The following CNBD1 variants were observed in gnomAD, a reference collection of about 807,000 sequenced individuals.
The protein encoded by CNBD1 is cyclic nucleotide-binding domain-containing protein 1.
Under a neutral mutation model 54.4 loss-of-function variants are expected in CNBD1, and 71 were observed. That is an observed-to-expected ratio of 1.30 (90% CI 1.08 to 1.59). CNBD1 has a LOEUF of 1.59. Ranked by LOEUF, CNBD1 falls within the 40% of genes most tolerant of loss-of-function variation. The pLI is 0.00. For missense variants in CNBD1, 659 were observed against 518.0 expected, an observed-to-expected ratio of 1.27 and a Z score of -2.64; for synonymous variants, 182 against 170.7, an observed-to-expected ratio of 1.07 and a Z score of -0.51.
intron 8 of CNBD1, among the ~76,000 whole-genome samples, chr8:87,351,257 A>C (rs2130927699): frequency 6.6e-6 from 1 of 152,314 alleles, no homozygotes; most frequent in Admixed American, 6.5e-5. Context: ...GTACAGCCCA[A>C]GATATAGGCT....
intron 10 of CNBD1, among the ~76,000 whole-genome samples, chr8:87,366,357 C>T (rs1003015879): frequency 8.6e-5 from 13 of 151,956 alleles, no homozygotes; most frequent in African/African-American, 2.2e-4. Flanking sequence ...TGTTTTCTTG[C>T]GGTTTTTACC....
intron 4 of CNBD1, among the ~76,000 whole-genome samples, chr8:87,023,208 A>G (rs1809525884): frequency 6.6e-6 from 1 of 152,172 alleles, no homozygotes; most frequent in South Asian, 2.1e-4. Flanking sequence ...ATTTTGCTGA[A>G]GGTAACAGAT....
intron 8 of CNBD1, among the ~76,000 whole-genome samples, chr8:87,316,142 TAATA>T (rs1268358982): frequency 6.6e-6 from 1 of 152,032 alleles, no homozygotes; most frequent in East Asian, 1.9e-4. Flanking sequence ...GCAAAAGGTT[TAATA>T]AATAAAGCAT....
chr8:87,124,694 C>T (rs1323813447), intron 4 of CNBD1, among the ~76,000 whole-genome samples: 1 of 151,748 alleles, frequency 6.6e-6, no homozygotes, highest in African/African-American at 2.4e-5. Flanking sequence ...TAGGTAGCAT[C>T]ATTCTCAATG....
intron 4 of CNBD1, among the ~76,000 whole-genome samples, chr8:86,959,187 T>C (rs1246902040): frequency 2.6e-5 from 4 of 152,356 alleles, no homozygotes; most frequent in East Asian, 1.9e-4. Context: ...TCCACTCTCT[T>C]ATGGCTTGTA....
intron 8 of CNBD1, among the ~76,000 whole-genome samples, chr8:87,321,410 T>G (rs1462929317): frequency 2.0e-5 from 3 of 152,188 alleles, no homozygotes; most frequent in Non-Finnish European, 4.4e-5. Context: ...AGGCAATATC[T>G]CTTTGTGATT....
intron 6 of CNBD1, among the ~76,000 whole-genome samples, chr8:87,268,305 G>A (rs1212362943): frequency 6.6e-6 from 1 of 152,042 alleles, no homozygotes; most frequent in Non-Finnish European, 1.5e-5. Flanking sequence ...ATGGTTTTGT[G>A]TTAGTTCATG....
chr8:87,347,493 T>G (rs1326417378), intron 8 of CNBD1, among the ~76,000 whole-genome samples: 2 of 148,638 alleles, frequency 1.3e-5, no homozygotes, highest in Non-Finnish European at 2.9e-5. Context: ...AATCAATAAC[T>G]TATACAATAA....
intron 1 of CNBD1, among the ~76,000 whole-genome samples, chr8:86,876,993 T>C (rs1460590208): frequency 1.3e-5 from 2 of 152,216 alleles, no homozygotes; most frequent in East Asian, 3.9e-4. Flanking sequence ...CTAAATCAAA[T>C]GTCTATTTCT....
rs973096167 is a variant in CNBD1, at chr8:87,270,890, C to T, written c.772-13788C>T. Among the ~76,000 whole-genome samples, 13 of 151,814 alleles carry T rather than the reference C, an allele frequency of 8.6e-5. No individual in the cohort carries two copies. The South Asian group carries it at 2.3e-3, about 27-fold the overall frequency. On this transcript the variant is annotated intron_variant, in intron 6 of 10. Coordinates refer to ENST00000518476, the MANE Select transcript of CNBD1 (RefSeq NM_173538.3). ...TTTTTGTTAGAATACAGCAGTGAAG[C>T]TGTAATGTCCTGGGCTTTTGTTTGA... is the stretch of plus-strand genomic sequence containing the variant.
intron 4 of CNBD1, among the ~76,000 whole-genome samples, chr8:87,102,406 G>C (rs943642117): frequency 6.6e-6 from 1 of 152,186 alleles, no homozygotes; most frequent in African/African-American, 2.4e-5. Flanking sequence ...TGCCAGATAA[G>C]TGATCCAACC....
At chr8:87,150,062 A>G (rs1812571191) in intron 4 of CNBD1, among the ~76,000 whole-genome samples, 1 of 152,142 alleles carries the variant, frequency 6.6e-6, no homozygotes, top group African/African-American at 2.4e-5. Context: ...CTGTAGTCCC[A>G]GCTACTGGGG....
At chr8:87,248,115 G>T (rs998751976) in intron 6 of CNBD1, among the ~76,000 whole-genome samples, 1 of 152,152 alleles carries the variant, frequency 6.6e-6, no homozygotes, top group Non-Finnish European at 1.5e-5. Context: ...ATATTCTCAT[G>T]CACATCCTCC....
At chr8:86,966,591 T>G (rs909774076) in intron 4 of CNBD1, among the ~76,000 whole-genome samples, 2 of 152,070 alleles carry the variant, frequency 1.3e-5, no homozygotes, top group African/African-American at 2.4e-5. Context: ...TCCCGGTGGG[T>G]TCATCGTCTC....
chr8:87,091,634 T>C (rs911148888), intron 4 of CNBD1, among the ~76,000 whole-genome samples: 1 of 152,104 alleles, frequency 6.6e-6, no homozygotes, highest in African/African-American at 2.4e-5. Flanking sequence ...TCAACCAAGA[T>C]AAAAAATAAA....
At chr8:87,129,069 CAAAAA>C (rs570657716) in intron 4 of CNBD1, among the ~76,000 whole-genome samples, 2 of 26,180 alleles carry the variant, frequency 7.6e-5, no homozygotes, top group African/African-American at 3.1e-4. Flanking sequence ...GACTCTGCCT[CAAAAA>C]AAAAAAAAAA....
Position 87,026,292 on chromosome 8 carries a change from G to A in CNBD1, c.431+86538G>A, listed in dbSNP as rs150336810. The stretch of plus-strand genomic sequence containing the variant: ...AGAGTTTTTCTTTTCTTTTCTCTCC[G>A]TTTCTCCCCTTTTCCTCCCTGCTCC... On this transcript the variant is annotated intron_variant, in intron 4 of 10. Transcript: ENST00000518476. Among the ~76,000 whole-genome samples the A allele has an allele frequency of 4.3e-3, 653 of 150,450 alleles. 6 individuals are homozygous for A. Among genetic ancestry groups the A allele is most frequent in the African/African-American group, 0.015 (625 of 40,484 alleles).
chr8:86,873,698 A>G (rs576260928), intron 1 of CNBD1, among the ~76,000 whole-genome samples: 16 of 152,184 alleles, frequency 1.1e-4, no homozygotes, highest in African/African-American at 3.9e-4. Context: ...GCATGCCACT[A>G]AATAAAATTT....
At chr8:86,978,841 C>G (rs1425852585) in intron 4 of CNBD1, among the ~76,000 whole-genome samples, 1 of 151,938 alleles carries the variant, frequency 6.6e-6, no homozygotes, top group African/African-American at 2.4e-5. Context: ...GCTGGACATG[C>G]TTTATATTTT....
Sources: gnomAD v4.1 joint callset for allele counts (sites outside exome capture counted in the v4.1 genomes callset) on GRCh38, gnomAD v4.1.1 for gene constraint, MANE v1.5 for transcripts, NCBI Gene and HGNC (gene_info 2026-07-23, HGNC 2026-07-21) for gene names.